The following SHC3 variants were observed in gnomAD, a reference collection of about 807,000 sequenced individuals.
SHC3 encodes SHC-transforming protein 3.
Under a neutral mutation model 60.4 loss-of-function variants are expected in SHC3, and 15 were observed. The observed-to-expected ratio is 0.25, with a 90% CI of 0.17 to 0.38. The LOEUF (loss-of-function observed/expected upper bound fraction) is 0.38. SHC3 is among the 10% of genes least tolerant of loss of function. SHC3 has a pLI of 1.00. For missense variants in SHC3, 677 were observed against 786.1 expected (o/e 0.86, Z 1.66); for synonymous variants, 294 against 325.9 (o/e 0.90, Z 1.05).
chr9:89,026,777 T>A (rs1826313173), intron 11 of SHC3, among the ~76,000 whole-genome samples: 1 of 152,216 alleles, frequency 6.6e-6, no homozygotes, highest in African/African-American at 2.4e-5. Context: ...GCACTCACTT[T>A]CCACCTGAGG....
At position 89,035,860 on chromosome 9, in the gene SHC3, T is replaced by TA. The variant is rs1336399611; in HGVS notation, c.1656+2132_1656+2133insT. On this transcript the variant is annotated intron_variant, in intron 11 of 11. Transcript: ENST00000375835. ...ATATATATATATATAGATGTGTGTG[T>TA]GTGTGTGTGTGTGTGTGTGTGTGTG... 1.3e-3 allele frequency among the ~76,000 whole-genome samples: 135 copies of TA among 100,380 alleles called. 2 individuals carry two copies. The highest frequency in any genetic ancestry group is 4.4e-3 in the East Asian group (18 of 4,080). The allele number at this position is 100,380 out of a possible 152,430, so 65.9% of individuals were successfully genotyped here. A position where few individuals can be genotyped will look rare whatever the true frequency, so the allele number is the denominator to read the frequency against.
chr9:89,159,884 T>C (rs1826679109), intron 1 of SHC3, among the ~76,000 whole-genome samples: 1 of 152,172 alleles, frequency 6.6e-6, no homozygotes, highest in Non-Finnish European at 1.5e-5. Flanking sequence ...CAAATGTTCA[T>C]CTCCTTGGGC....
intron 11 of SHC3, among the ~76,000 whole-genome samples, chr9:89,021,737 C>A (rs1352218164): frequency 2.0e-5 from 3 of 152,168 alleles, no homozygotes; most frequent in Non-Finnish European, 2.9e-5. Context: ...GAATCGGAAC[C>A]TTGAGAGATG....
At chr9:89,070,770 T>C (rs895869492) in intron 5 of SHC3, among the ~76,000 whole-genome samples, 1 of 152,224 alleles carries the variant, frequency 6.6e-6, no homozygotes, top group Non-Finnish European at 1.5e-5. Flanking sequence ...AGAAAAATGC[T>C]GATTTTAAAT....
intron 11 of SHC3, among the ~76,000 whole-genome samples, chr9:89,032,843 T>G (rs1824512964): frequency 6.6e-6 from 1 of 152,212 alleles, no homozygotes; most frequent in Admixed American, 6.5e-5. Flanking sequence ...CCAATTACCA[T>G]GAAAATCAGA....
chr9:89,152,398 C>T (rs1458514453), intron 1 of SHC3, among the ~76,000 whole-genome samples: 1 of 152,230 alleles, frequency 6.6e-6, no homozygotes, highest in African/African-American at 2.4e-5. Flanking sequence ...CAAAATTCTG[C>T]TCCAGAATAT....
intron 11 of SHC3, chr9:89,037,654 C>G (rs923783867): frequency 2.7e-5 from 17 of 641,134 alleles, no homozygotes; most frequent in Admixed American, 5.7e-5. Context: ...ATATTAAAAG[C>G]CTAGGAGCCT....
intron 11 of SHC3, among the ~76,000 whole-genome samples, chr9:89,021,655 C>A (rs1204247193): frequency 6.6e-6 from 1 of 152,240 alleles, no homozygotes; most frequent in Non-Finnish European, 1.5e-5. Context: ...CCAGGTGAGG[C>A]TCCTCTGTCC....
intron 1 of SHC3, among the ~76,000 whole-genome samples, chr9:89,171,142 G>A (rs1826862921): frequency 6.6e-6 from 1 of 152,064 alleles, no homozygotes; most frequent in African/African-American, 2.4e-5. Flanking sequence ...TCCTGCTTTG[G>A]TAAACTGTAA....
Position 89,037,988 on chromosome 9 carries a change from C to G in SHC3, c.1656+5G>C, listed in dbSNP as rs753323815. On this transcript the variant is annotated splice_donor_5th_base_variant and intron_variant, in intron 11 of 11. Transcript: ENST00000375835. ...GGTCCGGCCCCACCCCCACTGGGTG[C>G]TCACCGTGCCTTCTGGGTCCACGAG... The G allele has an allele frequency of 6.2e-7, 1 of 1,604,680 alleles. No homozygotes were observed.
intron 2 of SHC3, among the ~76,000 whole-genome samples, chr9:89,094,767 A>G (rs1489232666): frequency 6.6e-6 from 1 of 152,164 alleles, no homozygotes; most frequent in Non-Finnish European, 1.5e-5. Context: ...GCCTGGCATT[A>G]CAGTCACGAG....
At chr9:89,034,753 T>A (rs1482931366) in intron 11 of SHC3, among the ~76,000 whole-genome samples, 1 of 152,216 alleles carries the variant, frequency 6.6e-6, no homozygotes, top group Non-Finnish European at 1.5e-5. Flanking sequence ...GGAAAAATTT[T>A]AAAACTCTAT....
At chr9:89,096,283 G>C (rs1192133336) in intron 2 of SHC3, among the ~76,000 whole-genome samples, 1 of 152,170 alleles carries the variant, frequency 6.6e-6, no homozygotes, top group Non-Finnish European at 1.5e-5. Context: ...TTGGTCCCTG[G>C]GGTTCCAGGA....
chr9:89,173,923 C>A (rs1007856239), intron 1 of SHC3, among the ~76,000 whole-genome samples: 15 of 151,934 alleles, frequency 9.9e-5, no homozygotes, highest in African/African-American at 3.6e-4. Flanking sequence ...CATAAGATTT[C>A]GAAAGAATTT....
chr9:89,071,374 T>G, intron 4 of SHC3, 122 bp from the exon 5 acceptor site: 1 of 903,026 alleles, frequency 1.1e-6, no homozygotes, highest in Non-Finnish European at 1.7e-6. Flanking sequence ...GGTATCTATA[T>G]AAAAATAATG....
chr9:89,113,435 A>T (rs1051555304), intron 1 of SHC3, among the ~76,000 whole-genome samples: 2 of 152,184 alleles, frequency 1.3e-5, no homozygotes, highest in African/African-American at 4.8e-5. Context: ...GCATTTGGTG[A>T]ACCGAGATCA....
rs550218735 is a variant in SHC3 at position 89,009,502 on chromosome 9, C to T, written c.*3945G>A. 1 of 152,186 alleles carries T rather than the reference C, an allele frequency of 6.6e-6. No individual in the cohort carries two copies. Among genetic ancestry groups the T allele is most frequent in the Admixed American group, 6.5e-5 (1 of 15,286 alleles). 9.4% of individuals were successfully genotyped at this position (152,186 alleles called of 1,614,324 possible). On this transcript the variant is annotated 3_prime_UTR_variant, in exon 12 of 12. Transcript: ENST00000375835. Reference sequence around the variant, plus strand: ...AACCAATGGGCACGCTGGGAATGCACAATTTTAGAAAATCATTGCGCTTAT... The same window carrying T: ...AACCAATGGGCACGCTGGGAATGCATAATTTTAGAAAATCATTGCGCTTAT...
intron 2 of SHC3, among the ~76,000 whole-genome samples, chr9:89,091,325 C>T (rs1035045403): frequency 6.6e-6 from 1 of 152,184 alleles, no homozygotes; most frequent in African/African-American, 2.4e-5. Context: ...ACAAATGCAT[C>T]AGCAGAAAAC....
At chr9:89,123,822 T>A (rs1343213792) in intron 1 of SHC3, among the ~76,000 whole-genome samples, 1 of 152,136 alleles carries the variant, frequency 6.6e-6, no homozygotes, top group East Asian at 1.9e-4. Context: ...AATTATGATG[T>A]GCCCAGGCCT....
Sources: gnomAD v4.1 joint callset for allele counts (sites outside exome capture counted in the v4.1 genomes callset) on GRCh38, gnomAD v4.1.1 for gene constraint, MANE v1.5 for transcripts, NCBI Gene and HGNC (gene_info 2026-07-23, HGNC 2026-07-21) for gene names.